PTPRH: variants seen among roughly 807,000 people sequenced by gnomAD.
PTPRH encodes the protein protein tyrosine phosphatase receptor type H, also known as receptor-type tyrosine-protein phosphatase H.
PTPRH carries 113 observed loss-of-function variants against 130.2 expected under a neutral mutation model. The ratio of observed to expected loss-of-function variants is 0.87; its 90% CI spans 0.75 to 1.01. The LOEUF is 1.01. PTPRH is among the 50% of genes least tolerant of loss of function. The pLI is 0.00. For synonymous variants in PTPRH, 556 were observed against 577.9 expected, an observed-to-expected ratio of 0.96 and a Z score of 0.54; for missense variants, 1,430 against 1,425.0, an observed-to-expected ratio of 1.00 and a Z score of -0.06.
chr19:55,182,517 C>T (rs988613638), intron 18 of PTPRH, among the ~76,000 whole-genome samples: 28 of 152,082 alleles, frequency 1.8e-4, no homozygotes, highest in African/African-American at 6.5e-4. Flanking sequence ...GAGCAAAACT[C>T]CCATCTCAAA....
intron 7 of PTPRH, among the ~76,000 whole-genome samples, chr19:55,199,584 G>A (rs1056863364): frequency 5.3e-5 from 8 of 151,412 alleles, no homozygotes; most frequent in Non-Finnish European, 7.4e-5. Context: ...CAGCCTGAGT[G>A]ACAAAGGAAA....
At position 55,200,227 on chromosome 19, in the gene PTPRH, G is replaced by C. The variant is rs777173295; in HGVS notation, c.1420+9C>G. 2.5e-6 allele frequency: 4 copies of C among 1,613,606 alleles called. No homozygotes were observed. The South Asian group carries it at 4.4e-5, about 18-fold the overall frequency. Reference sequence around the variant, plus strand: ...ACCAAAACAGGGAGTGGCCGTTGAGGGTTCCTACCTGTGGAGATGCTGACA... The same window carrying C: ...ACCAAAACAGGGAGTGGCCGTTGAGCGTTCCTACCTGTGGAGATGCTGACA... On this transcript the variant is annotated intron_variant, in intron 7 of 19. Transcript: ENST00000376350.
At chr19:55,194,986 G>A (rs893963612) in intron 10 of PTPRH, among the ~76,000 whole-genome samples, 6 of 152,104 alleles carry the variant, frequency 3.9e-5, no homozygotes, top group Non-Finnish European at 7.4e-5. Context: ...TCAGGAGTTC[G>A]AGACCAGTCT....
Position 55,181,399 on chromosome 19 carries a change from C to T in PTPRH, c.*355G>A, listed in dbSNP as rs148669108. 5.0e-3 allele frequency: 1,114 copies of T among 223,962 alleles called. 24 individuals are homozygous for T. The highest frequency in any genetic ancestry group is 0.023 in the African/African-American group (1,038 of 44,466). 13.9% of individuals were successfully genotyped at this position (223,962 alleles called of 1,614,324 possible). A position where few individuals can be genotyped will look rare whatever the true frequency, so the allele number is the denominator to read the frequency against. On this transcript the variant is annotated 3_prime_UTR_variant, in exon 20 of 20. Coordinates refer to ENST00000376350, the MANE Select transcript of PTPRH (RefSeq NM_002842.5). Reference sequence around the variant, plus strand: ...TCTGAAGTAAAATCAAGGCAGGATCCTTCCTGCCTTTGGTCCTCAAGTAGC... The same window carrying T: ...TCTGAAGTAAAATCAAGGCAGGATCTTTCCTGCCTTTGGTCCTCAAGTAGC...
chr19:55,186,213 C>G lies in PTPRH; in HGVS notation c.2778+12G>C, dbSNP rs200121542. ...CTGCACCCAGTCAGCACCCAGGACT[C>G]AGATCTCTCACCCGGCCGGCCTCCA... is the stretch of plus-strand genomic sequence containing the variant. On this transcript the variant is annotated intron_variant, in intron 16 of 19. Coordinates refer to ENST00000376350, the MANE Select transcript of PTPRH (RefSeq NM_002842.5). The G allele has an allele frequency of 1.3e-5, 21 of 1,604,162 alleles. No homozygotes were observed. In the Admixed American group the frequency reaches 2.2e-4, roughly 17 times the overall value.
In PTPRH at chr19:55,185,666, G is replaced by A; in HGVS notation, c.2902-4C>T. The A allele has an allele frequency of 6.2e-7, 1 of 1,613,724 alleles. No homozygotes were observed. Among genetic ancestry groups the A allele is most frequent in the Non-Finnish European group, 8.5e-7 (1 of 1,179,736 alleles). On this transcript the variant is annotated splice_polypyrimidine_tract_variant and splice_region_variant and intron_variant, in intron 17 of 19. Transcript: ENST00000376350. ...ACAGTGTCTTCTGCTCCTCCACCTG[G>A]AAGGAGGGAGCACTCACAGGCTCTG...
chr19:55,183,273 G>A (rs1318348624), intron 18 of PTPRH, among the ~76,000 whole-genome samples: 20 of 148,942 alleles, frequency 1.3e-4, no homozygotes, highest in African/African-American at 2.7e-4. Flanking sequence ...GTGTGGTGGC[G>A]GGCGCCTGTA....
At position 55,206,919 on chromosome 19, in the gene PTPRH, T is replaced by C; in HGVS notation, c.122A>G (p.Gln41Arg). Residue 41 changes from glutamine to arginine, a missense_variant, in exon 3 of 20, where the codon CAG (glutamine) becomes CGG (arginine). Coordinates refer to ENST00000376350, the MANE Select transcript of PTPRH (RefSeq NM_002842.5). Reference protein sequence around the residue: ...NPGRNLTVETQTTSSISLSWE... With the variant: ...NPGRNLTVETRTTSSISLSWE... ...GCTCAGGGAGATGGAGCTGGTGGTC[T>C]GAGTCTCCACTGTCAGGTTCCTCCC... The C allele has an allele frequency of 6.2e-7, 1 of 1,610,166 alleles. No homozygotes were observed. Among genetic ancestry groups the C allele is most frequent in the Non-Finnish European group, 8.5e-7 (1 of 1,177,450 alleles).
At position 55,195,976 on chromosome 19, in the gene PTPRH, G is replaced by A. The variant is rs1381253626; in HGVS notation, c.2257+546C>T. ...GGGCTGGGGAATGGGAGAACTAGGG[G>A]GTGGTGGCTCAGCGGGGTGAGCTTT... On this transcript the variant is annotated intron_variant, in intron 10 of 19. Transcript: ENST00000376350. Among the ~76,000 whole-genome samples the A allele has an allele frequency of 3.3e-5, 5 of 152,076 alleles. No homozygotes were observed. In the East Asian group the frequency reaches 9.6e-4, roughly 29 times the overall value.
At chr19:55,203,129 C>A (rs1448484399) in intron 5 of PTPRH, among the ~76,000 whole-genome samples, 1 of 151,444 alleles carries the variant, frequency 6.6e-6, no homozygotes, top group Admixed American at 6.6e-5. Flanking sequence ...GAGATCGAGA[C>A]CATCCTGGCT....
rs1157226135 is a variant in PTPRH at position 55,196,772 on chromosome 19, G to A, written c.2007C>T (p.Thr669=). ...CTGAGGTGCTGACACAGGAAGTGAT[G>A]GTGACTGTGTCTGGGTCTGGGTGAA... ...LCASTYPDTV[T]ITSCVSTSAG... The change falls in exon 10 of 20, where the codon ACC becomes ACT. Residue 669 remains threonine (T), a synonymous_variant. Coordinates refer to ENST00000376350, the MANE Select transcript of PTPRH (RefSeq NM_002842.5). 4 of 1,613,552 alleles carry A rather than the reference G, an allele frequency of 2.5e-6. No homozygotes were observed. The highest frequency in any genetic ancestry group is 1.7e-5 in the Admixed American group (1 of 59,996).
rs1183764648 is a variant in PTPRH at position 55,202,291 on chromosome 19, C to T, written c.918G>A (p.Glu306=). 6.2e-6 allele frequency: 10 copies of T among 1,614,074 alleles called. No homozygotes were observed. In the African/African-American group the frequency reaches 1.3e-4, roughly 22 times the overall value. ...APNPVRNLTV[E]AQTNSSIALT... ...GGGCGATGGAGCTGTTGGTCTGAGC[C>T]TCCACTGTCAGGTTTCTCACTGGGT... Residue 306 remains glutamate, a synonymous_variant, in exon 6 of 20, where the codon GAG becomes GAA. Transcript: ENST00000376350.
chr19:55,198,982 C>T lies in PTPRH; in HGVS notation c.1421-70G>A, dbSNP rs1368047123. The T allele has an allele frequency of 2.2e-6, 3 of 1,374,836 alleles. No individual in the cohort carries two copies. In the South Asian group the frequency reaches 5.8e-5, roughly 27 times the overall value. 85.2% of individuals were successfully genotyped at this position (1,374,836 alleles called of 1,614,324 possible). On this transcript the variant is annotated intron_variant, in intron 7 of 19. Coordinates refer to ENST00000376350, the MANE Select transcript of PTPRH (RefSeq NM_002842.5). ...CAAGAGTCCAGAACACAGTGATACG[C>T]CCTGTCCTTGTGCAGCCCAGCTCAT...
intron 9 of PTPRH, 29 bp downstream of exon 9, chr19:55,197,088 C>T (rs745766138): frequency 2.1e-5 from 34 of 1,609,342 alleles, no homozygotes; most frequent in Middle Eastern, 1.6e-4. Context: ...GCCCAGTTCA[C>T]CACTTGAAGG....
At chr19:55,184,803 A>T (rs2086271092) in intron 18 of PTPRH, among the ~76,000 whole-genome samples, 1 of 146,250 alleles carries the variant, frequency 6.8e-6, no homozygotes, top group Admixed American at 6.7e-5. Flanking sequence ...AATAAAATAA[A>T]ATAATAAAAT....
At chr19:55,194,537 C>G (rs2086631127) in intron 10 of PTPRH, among the ~76,000 whole-genome samples, 2 of 152,164 alleles carry the variant, frequency 1.3e-5, no homozygotes, top group South Asian at 4.1e-4. Context: ...GAGACCCAAT[C>G]TCATAAGAAA....
chr19:55,202,159 G>A lies in PTPRH; in HGVS notation c.1050C>T (p.Asn350=), dbSNP rs151185756. The change falls in exon 6 of 20, where the codon AAC becomes AAT. Residue 350 remains asparagine, a synonymous_variant. Transcript: ENST00000376350. ...RAGTRSTAHT[N]ITVDRLEPGC... ...CGGGTTCAAGTCTATCCACGGTGAT[G>A]TTGGTGTGTGCTGTGCTTCGAGTCC... The A allele has an allele frequency of 3.7e-5, 59 of 1,614,104 alleles. No homozygotes were observed. The highest frequency in any genetic ancestry group is 1.6e-4 in the Middle Eastern group (1 of 6,084).
chr19:55,201,087 A>G (rs1002316909), intron 6 of PTPRH, among the ~76,000 whole-genome samples: 2 of 152,260 alleles, frequency 1.3e-5, no homozygotes, highest in African/African-American at 2.4e-5. Context: ...CCAATGGCCC[A>G]GCACAGTTTC....
chr19:55,182,081 G>T lies in PTPRH; in HGVS notation c.3133C>A (p.Leu1045Ile). The T allele has an allele frequency of 6.2e-7, 1 of 1,614,182 alleles. No individual in the cohort carries two copies. Among genetic ancestry groups the T allele is most frequent in the Non-Finnish European group, 8.5e-7 (1 of 1,180,040 alleles). Residue 1045 changes from leucine to isoleucine, a missense_variant, in exon 19 of 20, where the codon CTC (leucine) becomes ATC (isoleucine). Transcript: ENST00000376350. ...CTTACAAAGCTGAAGGGCCCAAGGAGACCCTCGGACTGCAGCTGCCGGAGC... is the reference window on the plus strand; with the variant it reads ...CTTACAAAGCTGAAGGGCCCAAGGATACCCTCGGACTGCAGCTGCCGGAGC... ...VLLRQLQSEG[L>I]LGPFSFVRKM...
Sources: gnomAD v4.1 joint callset for allele counts (sites outside exome capture counted in the v4.1 genomes callset) on GRCh38, gnomAD v4.1.1 for gene constraint, MANE v1.5 for transcripts, NCBI Gene and HGNC (gene_info 2026-07-23, HGNC 2026-07-21) for gene names.